CMSS1: variants seen among roughly 807,000 people sequenced by gnomAD.
CMSS1 encodes the protein protein CMSS1.
CMSS1 carries 33 observed loss-of-function variants against 43.5 expected under a neutral mutation model. The ratio of observed to expected loss-of-function variants is 0.76; its 90% CI spans 0.57 to 1.01. CMSS1 has a LOEUF of 1.01. CMSS1 is among the 50% of genes least tolerant of loss of function. The pLI is 0.00. For missense variants in CMSS1, 313 were observed against 326.4 expected, an observed-to-expected ratio of 0.96 and a Z score of 0.32; for synonymous variants, 115 against 117.2, an observed-to-expected ratio of 0.98 and a Z score of 0.12.
intron 1 of CMSS1, among the ~76,000 whole-genome samples, chr3:100,053,918 C>A (rs2065418018): frequency 6.6e-6 from 1 of 152,204 alleles, no homozygotes; most frequent in Admixed American, 6.5e-5. Flanking sequence ...AAGTAAATTG[C>A]ATCCAAGTGT....
intron 1 of CMSS1, among the ~76,000 whole-genome samples, chr3:99,842,125 T>C (rs1943160132): frequency 6.6e-6 from 1 of 152,168 alleles, no homozygotes; most frequent in Non-Finnish European, 1.5e-5. Context: ...AAATGTGGTA[T>C]ATATACACCA....
intron 1 of CMSS1, among the ~76,000 whole-genome samples, chr3:100,102,396 T>C (rs2066325368): frequency 1.3e-5 from 2 of 152,144 alleles, no homozygotes; most frequent in South Asian, 2.1e-4. Flanking sequence ...TCCTTGGAAA[T>C]GGGATAATAA....
intron 1 of CMSS1, among the ~76,000 whole-genome samples, chr3:100,143,794 C>G (rs985017500): frequency 1.3e-5 from 2 of 152,088 alleles, no homozygotes; most frequent in African/African-American, 2.4e-5. Context: ...GACAGATTAC[C>G]CTTTATCATT....
intron 1 of CMSS1, among the ~76,000 whole-genome samples, chr3:99,933,384 T>C (rs1707551701): frequency 6.6e-6 from 1 of 152,176 alleles, no homozygotes; most frequent in Non-Finnish European, 1.5e-5. Context: ...ATAGAAGGGA[T>C]ATTTTTGTGT....
At chr3:100,165,888 TCAA>T (rs1182587376) in intron 4 of CMSS1, among the ~76,000 whole-genome samples, 1 of 152,232 alleles carries the variant, frequency 6.6e-6, no homozygotes, top group Non-Finnish European at 1.5e-5. Flanking sequence ...ACTTGCATTC[TCAA>T]CAACACTTGG....
intron 1 of CMSS1, among the ~76,000 whole-genome samples, chr3:100,001,104 G>C (rs1709829635): frequency 6.6e-6 from 1 of 152,106 alleles, no homozygotes. Flanking sequence ...AGTTATTTTA[G>C]AGGTTAGCTG....
At chr3:99,983,424 GTA>G (rs1559713470) in intron 1 of CMSS1, among the ~76,000 whole-genome samples, 2 of 54,418 alleles carry the variant, frequency 3.7e-5, no homozygotes, top group Non-Finnish European at 6.8e-5. Flanking sequence ...ATATATGTAT[GTA>G]TGTATGTATA....
chr3:99,915,810 T>G (rs1706932322), intron 1 of CMSS1, among the ~76,000 whole-genome samples: 1 of 152,178 alleles, frequency 6.6e-6, no homozygotes, highest in Admixed American at 6.5e-5. Flanking sequence ...CAACTTTGCA[T>G]TGCACTTATT....
At chr3:100,010,770 AC>A (rs1179438187) in intron 1 of CMSS1, among the ~76,000 whole-genome samples, 1 of 132,076 alleles carries the variant, frequency 7.6e-6, no homozygotes, top group Non-Finnish European at 1.6e-5. Context: ...GCGCGCCTCC[AC>A]GCCCGGATTT....
chr3:100,081,688 A>G (rs1367262176), intron 1 of CMSS1, among the ~76,000 whole-genome samples: 1 of 152,220 alleles, frequency 6.6e-6, no homozygotes, highest in Non-Finnish European at 1.5e-5. Flanking sequence ...TTTTTAAAAT[A>G]TATCCATCAA....
chr3:100,008,030 C>T (rs1710038572), intron 1 of CMSS1, among the ~76,000 whole-genome samples: 1 of 152,262 alleles, frequency 6.6e-6, no homozygotes, highest in African/African-American at 2.4e-5. Context: ...TGCCTGGGAC[C>T]TGTACACAAA....
chr3:100,093,007 A>G (rs1251212451), intron 1 of CMSS1, among the ~76,000 whole-genome samples: 1 of 152,090 alleles, frequency 6.6e-6, no homozygotes, highest in Non-Finnish European at 1.5e-5. Context: ...TAAATTGAGA[A>G]TTTGTGGGGT....
chr3:99,928,675 T>A (rs1308377776), intron 1 of CMSS1, among the ~76,000 whole-genome samples: 1 of 152,230 alleles, frequency 6.6e-6, no homozygotes, highest in East Asian at 1.9e-4. Flanking sequence ...TGAGAGGTTA[T>A]GCCATTTGTA....
At chr3:99,824,902 GT>G (rs1053446285) in intron 1 of CMSS1, among the ~76,000 whole-genome samples, 9 of 152,246 alleles carry the variant, frequency 5.9e-5, no homozygotes, top group African/African-American at 2.4e-5. Flanking sequence ...TATTTTTGTT[GT>G]AATATCATTT....
intron 1 of CMSS1, among the ~76,000 whole-genome samples, chr3:100,029,027 A>T (rs2064977411): frequency 1.3e-5 from 2 of 152,002 alleles, no homozygotes; most frequent in South Asian, 4.2e-4. Flanking sequence ...ATTTTTCTTT[A>T]AAAAAAATTT....
intron 1 of CMSS1, among the ~76,000 whole-genome samples, chr3:99,906,088 G>A (rs1002226553): frequency 3.3e-5 from 5 of 152,090 alleles, no homozygotes; most frequent in South Asian, 2.1e-4. Flanking sequence ...AGCTACCTGC[G>A]GGGGCTGAGG....
intron 2 of CMSS1, among the ~76,000 whole-genome samples, chr3:100,152,482 T>C (rs936179016): frequency 2.0e-5 from 3 of 152,170 alleles, no homozygotes; most frequent in Admixed American, 6.5e-5. Context: ...CAATATTCCT[T>C]AAGCTTCCTA....
chr3:100,176,287 G>T lies in CMSS1; in HGVS notation c.668-40G>T, dbSNP rs565747465. On this transcript the variant is annotated intron_variant, in intron 8 of 9. Transcript: ENST00000421999. ...AATCATTTTAATAAGCTTATGTCAT[G>T]AGGTCTTTACTACAGCAACTCTCTT... 34 of 1,301,078 alleles carry T rather than the reference G, an allele frequency of 2.6e-5. No individual in the cohort carries two copies. In the Admixed American group the frequency reaches 5.4e-4, roughly 21 times the overall value. 80.6% of individuals were successfully genotyped at this position (1,301,078 alleles called of 1,614,324 possible).
Position 100,106,101 on chromosome 3 carries a change from T to C in CMSS1, c.65-40872T>C, listed in dbSNP as rs1405690757. Among the ~76,000 whole-genome samples, 7 of 152,086 alleles carry C rather than the reference T, an allele frequency of 4.6e-5. No homozygotes were observed. In the East Asian group the frequency reaches 1.3e-3, roughly 29 times the overall value. On this transcript the variant is annotated intron_variant, in intron 1 of 9. Transcript: ENST00000421999. ...CTGTGTATAGCATATGGAGAAAATATGATATTACTGTCAATGGTAGACTAG... is the reference window on the plus strand; with the variant it reads ...CTGTGTATAGCATATGGAGAAAATACGATATTACTGTCAATGGTAGACTAG...
Sources: allele counts gnomAD v4.1 joint callset (sites outside exome capture counted in the v4.1 genomes callset), GRCh38; gene constraint gnomAD v4.1.1; transcripts MANE v1.5; gene names NCBI Gene and HGNC (gene_info 2026-07-23, HGNC 2026-07-21).